MYO3B: variants seen among roughly 807,000 people sequenced by gnomAD.
MYO3B encodes myosin-IIIb.
In MYO3B, 156 loss-of-function variants were observed where a neutral mutation model predicts 174.6. That is an observed-to-expected ratio of 0.89 (90% CI 0.78 to 1.02). MYO3B has a LOEUF of 1.02. Among genes scored for constraint, MYO3B ranks in the 50% least tolerant of loss-of-function variants. The probability of loss-of-function intolerance (pLI) is 0.00; values close to 1 mark genes in which losing one functional copy is unlikely to be tolerated. For missense variants in MYO3B, 1,632 were observed against 1,639.4 expected (o/e 1.00, Z 0.08); for synonymous variants, 563 against 569.1 (o/e 0.99, Z 0.15).
intron 30 of MYO3B, among the ~76,000 whole-genome samples, chr2:170,539,984 C>T (rs10184408): frequency 0.58 from 88,457 of 151,916 alleles, 27,385 homozygotes; most frequent in Non-Finnish European, 0.71. Flanking sequence ...GTCAATATAC[C>T]ATAGTCTTAT....
chr2:170,641,484 G>T (rs575413139), intron 32 of MYO3B: 2 of 151,226 alleles, frequency 1.3e-5, no homozygotes, highest in Admixed American at 6.6e-5. Context: ...AGGAACATTT[G>T]TCAAACACCA....
chr2:170,624,375 T>C (rs534406272), intron 32 of MYO3B, among the ~76,000 whole-genome samples: 73 of 151,242 alleles, frequency 4.8e-4, no homozygotes, highest in Non-Finnish European at 8.0e-4. Flanking sequence ...CTGTCTGTTA[T>C]TGGTGTATAA....
At chr2:170,275,416 C>G (rs1007259284) in intron 7 of MYO3B, among the ~76,000 whole-genome samples, 7 of 152,096 alleles carry the variant, frequency 4.6e-5, no homozygotes. Flanking sequence ...TTTCCCATAC[C>G]TTTGCTTTGG....
chr2:170,211,196 C>G (rs1233005819), intron 3 of MYO3B, among the ~76,000 whole-genome samples: 1 of 152,150 alleles, frequency 6.6e-6, no homozygotes, highest in Non-Finnish European at 1.5e-5. Context: ...ATCTTAGGGC[C>G]TGCCATGCAT....
chr2:170,645,568 T>C lies in MYO3B; in HGVS notation c.3734-6060T>C, dbSNP rs562354555. ...GAACTAGGTAACTATCCGATAACCA[T>C]ACTGTTTTATATCTTAATGCAAACT... is the stretch of plus-strand genomic sequence containing the variant. On this transcript the variant is annotated intron_variant, in intron 32 of 34. Coordinates refer to ENST00000408978, the MANE Select transcript of MYO3B (RefSeq NM_138995.5). 2.0e-5 allele frequency among the ~76,000 whole-genome samples: 3 copies of C among 150,838 alleles called. No homozygotes were observed. The South Asian group carries it at 6.3e-4, about 32-fold the overall frequency.
In MYO3B at chr2:170,404,368, G is replaced by A. The variant is rs573321631; in HGVS notation, c.2399G>A (p.Arg800Gln). 3.6e-5 allele frequency: 58 copies of A among 1,613,402 alleles called. 1 individual carries two copies. In the South Asian group the frequency reaches 4.1e-4, roughly 11 times the overall value. ...GLLALLDEES[R>Q]FPQATDQTLV... ...CTTGCACTTTTGGATGAGGAAAGTC[G>A]GTTTCCCCAAGCAACTGACCAGACC... Residue 800 changes from arginine to glutamine, a missense_variant, in exon 20 of 35, where the codon CGG becomes CAG. Physicochemically the swap from Arg to Gln is conservative, Grantham distance 43 (BLOSUM62 1). Transcript: ENST00000408978.
intron 22 of MYO3B, among the ~76,000 whole-genome samples, chr2:170,441,483 G>C (rs2105907074): frequency 6.6e-6 from 1 of 152,362 alleles, no homozygotes; most frequent in Admixed American, 6.5e-5. Flanking sequence ...TGAGTTCATA[G>C]AGTAAAGTGA....
chr2:170,251,343 G>A (rs2093251349), intron 7 of MYO3B, among the ~76,000 whole-genome samples: 1 of 152,130 alleles, frequency 6.6e-6, no homozygotes, highest in South Asian at 2.1e-4. Flanking sequence ...CAAGCTTGAA[G>A]AGATCTGCAT....
At chr2:170,550,138 G>T (rs990448252) in intron 32 of MYO3B, among the ~76,000 whole-genome samples, 1 of 152,094 alleles carries the variant, frequency 6.6e-6, no homozygotes, top group East Asian at 1.9e-4. Context: ...GGCTCCCTCA[G>T]GCTGAAAACA....
chr2:170,509,598 A>G (rs1687853121), intron 28 of MYO3B, among the ~76,000 whole-genome samples: 1 of 152,240 alleles, frequency 6.6e-6, no homozygotes, highest in Non-Finnish European at 1.5e-5. Flanking sequence ...TGCTCCATTC[A>G]TGCTGAAACC....
At chr2:170,184,196 T>C (rs1475809109) in intron 1 of MYO3B, among the ~76,000 whole-genome samples, 1 of 152,184 alleles carries the variant, frequency 6.6e-6, no homozygotes, top group East Asian at 1.9e-4. Context: ...CATTTCTTTG[T>C]ATTACAATCT....
chr2:170,218,250 A>T (rs1432585295), intron 6 of MYO3B, among the ~76,000 whole-genome samples: 1 of 152,136 alleles, frequency 6.6e-6, no homozygotes, highest in East Asian at 1.9e-4. Context: ...TCTTTCTTTC[A>T]TACTGGGTAA....
At chr2:170,574,253 C>G (rs1326458683) in intron 32 of MYO3B, among the ~76,000 whole-genome samples, 1 of 152,132 alleles carries the variant, frequency 6.6e-6, no homozygotes, top group Non-Finnish European at 1.5e-5. Context: ...TAACCTTTGT[C>G]AGATTTAAGT....
intron 9 of MYO3B, among the ~76,000 whole-genome samples, chr2:170,375,266 T>C (rs897921651): frequency 1.3e-5 from 2 of 152,186 alleles, no homozygotes. Context: ...ACATGCTTTG[T>C]ATCATTTTAC....
At chr2:170,648,990 G>A (rs868245101) in intron 32 of MYO3B, among the ~76,000 whole-genome samples, 4 of 68,828 alleles carry the variant, frequency 5.8e-5, no homozygotes, top group Admixed American at 2.6e-4. Context: ...AATATATAAT[G>A]TATAATATAT....
At chr2:170,357,320 T>G (rs924775042) in intron 8 of MYO3B, among the ~76,000 whole-genome samples, 1 of 142,894 alleles carries the variant, frequency 7.0e-6, no homozygotes, top group Non-Finnish European at 1.5e-5. Flanking sequence ...AAAATAAAAA[T>G]AAAAATAAAT....
intron 25 of MYO3B, among the ~76,000 whole-genome samples, chr2:170,474,318 A>G (rs1685172161): frequency 6.6e-6 from 1 of 152,086 alleles, no homozygotes; most frequent in African/African-American, 2.4e-5. Context: ...CCTTGAGCCA[A>G]TTACTGTGCC....
chr2:170,594,081 A>G (rs1394755651), intron 32 of MYO3B, among the ~76,000 whole-genome samples: 4 of 152,190 alleles, frequency 2.6e-5, no homozygotes, highest in Non-Finnish European at 5.9e-5. Flanking sequence ...GGCATATTAC[A>G]CTAAACCCTG....
At chr2:170,479,174 C>T (rs1685519024) in intron 25 of MYO3B, among the ~76,000 whole-genome samples, 1 of 150,378 alleles carries the variant, frequency 6.6e-6, no homozygotes, top group Admixed American at 6.6e-5. Flanking sequence ...ATCTCAGCTA[C>T]TCGGGAGGCT....
Sources: gnomAD v4.1 joint callset for allele counts (sites outside exome capture counted in the v4.1 genomes callset) on GRCh38, gnomAD v4.1.1 for gene constraint, MANE v1.5 for transcripts, NCBI Gene and HGNC (gene_info 2026-07-23, HGNC 2026-07-21) for gene names.